TRIM58: variants seen among roughly 807,000 people sequenced by gnomAD.
TRIM58 encodes the protein tripartite motif containing 58.
In TRIM58, 38 loss-of-function variants were observed where a neutral mutation model predicts 34.1. The observed-to-expected ratio is 1.12, with a 90% CI of 0.86 to 1.46. The LOEUF (loss-of-function observed/expected upper bound fraction) is 1.46, where lower values mean the gene tolerates loss of function less well. TRIM58 is among the 40% of genes most tolerant of loss of function. TRIM58 has a pLI of 0.00. For synonymous variants in TRIM58, 273 were observed against 275.7 expected (o/e 0.99, Z 0.10); for missense variants, 677 against 642.0 (o/e 1.05, Z -0.59).
chr1:247,861,103 T>A (rs966779420), intron 2 of TRIM58, among the ~76,000 whole-genome samples: 1 of 152,230 alleles, frequency 6.6e-6, no homozygotes, highest in Non-Finnish European at 1.5e-5. Context: ...GTGATCATCT[T>A]ATATACAGGG....
At chr1:247,864,541 C>G (rs1663872089) in intron 2 of TRIM58, among the ~76,000 whole-genome samples, 164 bp from the exon 3 acceptor site, 1 of 152,170 alleles carries the variant, frequency 6.6e-6, no homozygotes, top group Non-Finnish European at 1.5e-5. Flanking sequence ...TGGGCTACTT[C>G]TTATATGAAT....
At chr1:247,862,042 T>C (rs1435175638) in intron 2 of TRIM58, among the ~76,000 whole-genome samples, 260 of 151,990 alleles carry the variant, frequency 1.7e-3, no homozygotes, top group Non-Finnish European at 7.4e-5. Context: ...GCAGGAGAAT[T>C]GCTTGAACCT....
chr1:247,876,513 C>A lies in TRIM58; in HGVS notation c.*24C>A. On this transcript the variant is annotated 3_prime_UTR_variant, in exon 6 of 6. Transcript: ENST00000366481. ...AAAATTCTGTTCCCAAGATGCAGTCCTAGCGTAGCGAACGTTCCTGGAGTG... is the reference window on the plus strand; with the variant it reads ...AAAATTCTGTTCCCAAGATGCAGTCATAGCGTAGCGAACGTTCCTGGAGTG... 1 of 1,584,822 alleles carries A rather than the reference C, an allele frequency of 6.3e-7. No individual in the cohort carries two copies. Among genetic ancestry groups the A allele is most frequent in the South Asian group, 1.1e-5 (1 of 88,630 alleles).
chr1:247,863,428 C>A (rs1460967586), intron 2 of TRIM58, among the ~76,000 whole-genome samples: 1 of 151,934 alleles, frequency 6.6e-6, no homozygotes, highest in Non-Finnish European at 1.5e-5. Context: ...ATCCCACTTA[C>A]TCGGGAGGCT....
Position 247,857,651 on chromosome 1 carries a change from C to T in TRIM58, c.405C>T (p.Ala135=), listed in dbSNP as rs1663669194. The change falls in exon 1 of 6, where the codon GCC becomes GCT. Residue 135 remains alanine, a synonymous_variant. Coordinates refer to ENST00000366481, the MANE Select transcript of TRIM58 (RefSeq NM_015431.4). ...ACCGCACGGCGCCGCTGCAGGAGGC[C>T]GCCGGCAGCTACCAGGTGAGGCGCC... ...RTHRTAPLQE[A]AGSYQVKLQM... 1 of 1,232,912 alleles carries T rather than the reference C, an allele frequency of 8.1e-7. No individual in the cohort carries two copies. 76.4% of individuals were successfully genotyped at this position (1,232,912 alleles called of 1,614,324 possible).
intron 5 of TRIM58, among the ~76,000 whole-genome samples, chr1:247,871,195 T>C (rs76616647): frequency 0.034 from 5,200 of 152,252 alleles, 310 homozygotes; most frequent in African/African-American, 0.11. Context: ...TAAAAATAAA[T>C]TGCTTGGAGG....
At chr1:247,861,383 G>A (rs908166021) in intron 2 of TRIM58, among the ~76,000 whole-genome samples, 1 of 152,080 alleles carries the variant, frequency 6.6e-6, no homozygotes, top group African/African-American at 2.4e-5. Flanking sequence ...AACTGAGGAG[G>A]GGTGGGTGCA....
chr1:247,857,633 G>C lies in TRIM58; in HGVS notation c.387G>C (p.Thr129=). The change falls in exon 1 of 6, where the codon ACG becomes ACC. Residue 129 remains threonine (T), a synonymous_variant. Coordinates refer to ENST00000366481, the MANE Select transcript of TRIM58 (RefSeq NM_015431.4). ...DAGPEHRTHR[T]APLQEAAGSY... Reference sequence around the variant, plus strand: ...GCCCCGAGCACAGGACGCACCGCACGGCGCCGCTGCAGGAGGCCGCCGGCA... The same window carrying C: ...GCCCCGAGCACAGGACGCACCGCACCGCGCCGCTGCAGGAGGCCGCCGGCA... 8.1e-7 allele frequency: 1 copy of C among 1,240,686 alleles called. No homozygotes were observed. The highest frequency in any genetic ancestry group is 1.0e-6 in the Non-Finnish European group (1 of 993,330). 76.9% of individuals were successfully genotyped at this position (1,240,686 alleles called of 1,614,324 possible). A position where few individuals can be genotyped will look rare whatever the true frequency, so the allele number is the denominator to read the frequency against.
chr1:247,860,279 T>G (rs1663754560), intron 1 of TRIM58, among the ~76,000 whole-genome samples: 1 of 152,024 alleles, frequency 6.6e-6, no homozygotes, highest in African/African-American at 2.4e-5. Context: ...GCCTGGGCAA[T>G]ATAGTAAGAC....
rs546095925 is a variant in TRIM58 at position 247,872,189 on chromosome 1, A to G, written c.872-3711A>G. 9.7e-4 allele frequency among the ~76,000 whole-genome samples: 148 copies of G among 152,336 alleles called. 1 individual carries two copies. Among genetic ancestry groups the G allele is most frequent in the African/African-American group, 3.3e-3 (139 of 41,586 alleles). ...AGTTGAAAGTTGTACCTAGAAAAATAGTTTGATTGGACTAATGTTTTATGA... is the reference window on the plus strand; with the variant it reads ...AGTTGAAAGTTGTACCTAGAAAAATGGTTTGATTGGACTAATGTTTTATGA... On this transcript the variant is annotated intron_variant, in intron 5 of 5. Transcript: ENST00000366481.
rs370498805 is a variant in TRIM58, at chr1:247,876,466, G to C, written c.1438G>C (p.Asp480His). The C allele has an allele frequency of 1.1e-5, 18 of 1,613,618 alleles. No homozygotes were observed. Among genetic ancestry groups the C allele is most frequent in the Non-Finnish European group, 1.5e-5 (18 of 1,179,814 alleles). The change falls in exon 6 of 6, where the codon GAT (aspartate) becomes CAT (histidine). Residue 480 changes from aspartate (D) to histidine (H), a missense_variant. Physicochemically the swap from Asp to His is moderately conservative, Grantham distance 81. Coordinates refer to ENST00000366481, the MANE Select transcript of TRIM58 (RefSeq NM_015431.4). ...CAGGGATCATTTAGATCCTGCTTCTGATGTAAGAGATGATCATCTCTAAAA... is the reference window on the plus strand; with the variant it reads ...CAGGGATCATTTAGATCCTGCTTCTCATGTAAGAGATGATCATCTCTAAAA... ...ASRDHLDPASDVRDDHL is the reference protein window; with the variant it reads ...ASRDHLDPASHVRDDHL
chr1:247,873,671 A>C (rs1175728151), intron 5 of TRIM58, among the ~76,000 whole-genome samples: 2 of 152,218 alleles, frequency 1.3e-5, no homozygotes, highest in African/African-American at 4.8e-5. Context: ...GTTGGGTATC[A>C]ATAAAAATTC....
rs1663878986 is a variant in TRIM58, at chr1:247,864,725, GCAGCGCTT to G, written c.541_548del (p.Arg181IlefsTer4). 6.2e-7 allele frequency: 1 copy of G among 1,614,030 alleles called. No individual in the cohort carries two copies. Among genetic ancestry groups the G allele is most frequent in the African/African-American group, 1.3e-5 (1 of 74,930 alleles). On this transcript the variant is annotated frameshift_variant, in exon 3 of 6. Transcript: ENST00000366481. LOFTEE classifies it high-confidence loss of function. ...CTCAGGAGAAAGTGGAAATGCAGAG[GCAGCGCTT>G]CAGATTGGAGTTTGAGAAGCATCGT...
At chr1:247,865,567 A>G (rs1663899609) in intron 3 of TRIM58, among the ~76,000 whole-genome samples, 1 of 152,216 alleles carries the variant, frequency 6.6e-6, no homozygotes, top group South Asian at 2.1e-4. Flanking sequence ...CCTGGCCCAC[A>G]TTGCATGCCC....
rs1373279383 is a variant in TRIM58, at chr1:247,878,117, C to T, written c.*1628C>T. ...GGCAGAGCTTGTAGTGAGCCGAGAT[C>T]GCGCCACTGCACTCCAGCCGGGGCA... is the stretch of plus-strand genomic sequence containing the variant. On this transcript the variant is annotated 3_prime_UTR_variant, in exon 6 of 6. Transcript: ENST00000366481. 1.3e-5 allele frequency: 2 copies of T among 151,778 alleles called. No homozygotes were observed. The highest frequency in any genetic ancestry group is 2.4e-5 in the African/African-American group (1 of 41,306). The allele number at this position is 151,778 out of a possible 1,614,324, so 9.4% of individuals were successfully genotyped here.
intron 1 of TRIM58, among the ~76,000 whole-genome samples, chr1:247,858,705 A>G (rs1663698012): frequency 2.0e-5 from 3 of 146,566 alleles, no homozygotes; most frequent in Middle Eastern, 7.2e-3. Flanking sequence ...CTTTTCTGGA[A>G]TGTTCTTGCC....
In TRIM58 at chr1:247,867,979, A is replaced by G. The variant is rs1558350998; in HGVS notation, c.787A>G (p.Arg263Gly). The change falls in exon 5 of 6, where the codon AGG becomes GGG. Residue 263 changes from arginine to glycine, a missense_variant. Arg to Gly is a moderately radical substitution (Grantham distance 125, BLOSUM62 -2). Transcript: ENST00000366481. ...GVLSRSKAVT[R>G]LEAENIPMEL... ...TCTTCCCAGAAGTAAGGCTGTCACA[A>G]GGCTGGAAGCAGAGAACATCCCCAT... 6.2e-7 allele frequency: 1 copy of G among 1,613,272 alleles called. No individual in the cohort carries two copies. Among genetic ancestry groups the G allele is most frequent in the Non-Finnish European group, 8.5e-7 (1 of 1,179,714 alleles).
intron 5 of TRIM58, among the ~76,000 whole-genome samples, chr1:247,873,476 G>A (rs1277206839): frequency 1.3e-5 from 2 of 152,168 alleles, no homozygotes; most frequent in East Asian, 3.9e-4. Context: ...CTGTTAGATT[G>A]TGTTAAATGC....
chr1:247,868,767 C>G (rs1219260664), intron 5 of TRIM58, among the ~76,000 whole-genome samples: 1 of 152,158 alleles, frequency 6.6e-6, no homozygotes, highest in Admixed American at 6.6e-5. Flanking sequence ...GTTACAGAGG[C>G]TAGAGATGAA....
Sources: gnomAD v4.1 joint callset for allele counts (sites outside exome capture counted in the v4.1 genomes callset) on GRCh38, gnomAD v4.1.1 for gene constraint, MANE v1.5 for transcripts, NCBI Gene and HGNC (gene_info 2026-07-23, HGNC 2026-07-21) for gene names.